OR56B1: variants seen among roughly 807,000 people sequenced by gnomAD.
OR56B1 encodes olfactory receptor 56B1.
In OR56B1, 13 loss-of-function variants were observed where a neutral mutation model predicts 11.4. The observed-to-expected ratio is 1.14, with a 90% CI of 0.74 to 1.81. The LOEUF is 1.81. Ranked by LOEUF, OR56B1 falls within the 40% of genes most tolerant of loss-of-function variation. The pLI is 0.00. For synonymous variants in OR56B1, 158 were observed against 143.6 expected (o/e 1.10, Z -0.72); for missense variants, 434 against 379.3 (o/e 1.14, Z -1.20).
rs1853946755 is a variant in OR56B1, at chr11:5,737,687, T to C, written c.*196T>C. The C allele has an allele frequency of 4.2e-6, 2 of 473,594 alleles. No homozygotes were observed. The highest frequency in any genetic ancestry group is 7.2e-6 in the Non-Finnish European group (2 of 278,286). 29.3% of individuals were successfully genotyped at this position (473,594 alleles called of 1,614,324 possible). On this transcript the variant is annotated 3_prime_UTR_variant, in exon 1 of 1. Coordinates refer to ENST00000317121, the MANE Select transcript of OR56B1 (RefSeq NM_001005180.3). ...TTGACAAAAGCTAAATATTTAAATATATTTGAGAATATGGAAGAAATTTCT... is the reference window on the plus strand; with the variant it reads ...TTGACAAAAGCTAAATATTTAAATACATTTGAGAATATGGAAGAAATTTCT...
Position 5,738,431 on chromosome 11 carries a change from G to A in OR56B1, c.*940G>A, listed in dbSNP as rs1853962137. On this transcript the variant is annotated 3_prime_UTR_variant, in exon 1 of 1. Transcript: ENST00000317121. ...TAAAGGCTTCCTGATAGTAGTCTCTGAGTGCCCAGCATCCATTATTTTTTA... is the reference window on the plus strand; with the variant it reads ...TAAAGGCTTCCTGATAGTAGTCTCTAAGTGCCCAGCATCCATTATTTTTTA... 1 of 151,078 alleles carries A rather than the reference G, an allele frequency of 6.6e-6. No individual in the cohort carries two copies. Among genetic ancestry groups the A allele is most frequent in the Admixed American group, 6.6e-5 (1 of 15,128 alleles). The allele number at this position is 151,078 out of a possible 1,614,324, so 9.4% of individuals were successfully genotyped here. A position where few individuals can be genotyped will look rare whatever the true frequency, so the allele number is the denominator to read the frequency against.
At position 5,737,109 on chromosome 11, in the gene OR56B1, G is replaced by C; in HGVS notation, c.593G>C (p.Cys198Ser). The change falls in exon 1 of 1, where the codon TGT becomes TCT. Residue 198 changes from cysteine (C) to serine (S), a missense_variant. By Grantham distance (112) the Cys-to-Ser change is moderately radical (BLOSUM62 -1). Transcript: ENST00000317121. Reference protein sequence around the residue: ...CSNLGVTSLACDDRRPNSICQ... With the variant: ...CSNLGVTSLASDDRRPNSICQ... ...AACCTTGGGGTCACAAGCCTGGCTTGTGATGACAGGAGGCCAAACAGCATT... is the reference window on the plus strand; with the variant it reads ...AACCTTGGGGTCACAAGCCTGGCTTCTGATGACAGGAGGCCAAACAGCATT... 6.2e-7 allele frequency: 1 copy of C among 1,614,056 alleles called. No individual in the cohort carries two copies. Among genetic ancestry groups the C allele is most frequent in the Non-Finnish European group, 8.5e-7 (1 of 1,180,004 alleles).
In OR56B1 at chr11:5,736,849, T is replaced by C. The variant is rs759142585; in HGVS notation, c.333T>C (p.Tyr111=). 8.1e-6 allele frequency: 13 copies of C among 1,613,922 alleles called. No homozygotes were observed. Among genetic ancestry groups the C allele is most frequent in the Admixed American group, 5.0e-5 (3 of 59,942 alleles). ...TCCCTGAGTGCTTTGCTCAGATTTA[T>C]GCCATTCACTTCTTTGTGGGCATGG... is the stretch of plus-strand genomic sequence containing the variant. ...ISLPECFAQI[Y]AIHFFVGMES... The change falls in exon 1 of 1, where the codon TAT becomes TAC. Residue 111 remains tyrosine, a synonymous_variant. Transcript: ENST00000317121.
At position 5,736,641 on chromosome 11, in the gene OR56B1, T is replaced by C. The variant is rs2134201337; in HGVS notation, c.125T>C (p.Leu42Pro). The C allele has an allele frequency of 1.2e-6, 2 of 1,614,048 alleles. No homozygotes were observed. Among genetic ancestry groups the C allele is most frequent in the Admixed American group, 1.7e-5 (1 of 59,964 alleles). The stretch of plus-strand genomic sequence containing the variant: ...CACTGGCTATCTCTGCCCCTGGCAC[T>C]ACTGTATCTCTCAGCACTTGCTGCA... Reference protein sequence around the residue: ...WQHWLSLPLALLYLSALAANT... With the variant: ...WQHWLSLPLAPLYLSALAANT... Residue 42 changes from leucine to proline, a missense_variant, in exon 1 of 1, where the codon CTA becomes CCA. Leu to Pro is a moderately conservative substitution (Grantham distance 98). Transcript: ENST00000317121.
rs1377279356 is a variant in OR56B1 at position 5,736,704 on chromosome 11, C to G, written c.188C>G (p.Ser63Cys). The G allele has an allele frequency of 5.6e-6, 9 of 1,613,926 alleles. No homozygotes were observed. In the South Asian group the frequency reaches 6.6e-5, roughly 12 times the overall value. The stretch of plus-strand genomic sequence containing the variant: ...CTCATCATCATCTGGCAGAACCCTT[C>G]TTTACAGCAGCCCATGTATATTTTC... ...LILIIIWQNPSLQQPMYIFLG... is the reference protein window; with the variant it reads ...LILIIIWQNPCLQQPMYIFLG... Residue 63 changes from serine to cysteine, a missense_variant, in exon 1 of 1, where the codon TCT (serine) becomes TGT (cysteine). Transcript: ENST00000317121.
Position 5,737,308 on chromosome 11 carries a change from T to G in OR56B1, c.792T>G (p.Val264=). 6.2e-7 allele frequency: 1 copy of G among 1,614,144 alleles called. No homozygotes were observed. Among genetic ancestry groups the G allele is most frequent in the South Asian group, 1.1e-5 (1 of 91,092 alleles). Residue 264 remains valine, a synonymous_variant, in exon 1 of 1, where the codon GTT becomes GTG. Coordinates refer to ENST00000317121, the MANE Select transcript of OR56B1 (RefSeq NM_001005180.3). Reference sequence around the variant, plus strand: ...TCATCCTTTTCTTTTACACTATTGTTGTAGTGATTTCAGTGACTCATCTGA... The same window carrying G: ...TCATCCTTTTCTTTTACACTATTGTGGTAGTGATTTCAGTGACTCATCTGA... ...LTLILFFYTI[V]VVISVTHLTE...
chr11:5,736,737 T>G lies in OR56B1; in HGVS notation c.221T>G (p.Ile74Ser). The change falls in exon 1 of 1, where the codon ATC becomes AGC. Residue 74 changes from isoleucine (I) to serine (S), a missense_variant. Physicochemically the swap from Ile to Ser is moderately radical, Grantham distance 142. Transcript: ENST00000317121. ...LQQPMYIFLG[I>S]LCMVDMGLAT... ...CAGCCCATGTATATTTTCCTTGGCA[T>G]CCTCTGTATGGTAGACATGGGTCTG... 6.2e-7 allele frequency: 1 copy of G among 1,614,074 alleles called. No homozygotes were observed. Among genetic ancestry groups the G allele is most frequent in the African/African-American group, 1.3e-5 (1 of 75,050 alleles).
In OR56B1 at chr11:5,738,144, G is replaced by T. The variant is rs1384931127; in HGVS notation, c.*653G>T. ...TTTGTGCACTGCTCTGTAAACTGGA[G>T]GGCTGACTTTCACATATTGTAAGCC... On this transcript the variant is annotated 3_prime_UTR_variant, in exon 1 of 1. Coordinates refer to ENST00000317121, the MANE Select transcript of OR56B1 (RefSeq NM_001005180.3). The T allele has an allele frequency of 6.6e-6, 1 of 152,312 alleles. No homozygotes were observed. Among genetic ancestry groups the T allele is most frequent in the African/African-American group, 2.4e-5 (1 of 41,454 alleles). 9.4% of individuals were successfully genotyped at this position (152,312 alleles called of 1,614,324 possible). A position where few individuals can be genotyped will look rare whatever the true frequency, so the allele number is the denominator to read the frequency against.
In OR56B1 at chr11:5,736,980, T is replaced by G; in HGVS notation, c.464T>G (p.Leu155Arg). The G allele has an allele frequency of 6.2e-7, 1 of 1,614,170 alleles. No homozygotes were observed. The highest frequency in any genetic ancestry group is 8.5e-7 in the Non-Finnish European group (1 of 1,180,000). Residue 155 changes from leucine to arginine, a missense_variant, in exon 1 of 1, where the codon CTG becomes CGG. Coordinates refer to ENST00000317121, the MANE Select transcript of OR56B1 (RefSeq NM_001005180.3). The stretch of plus-strand genomic sequence containing the variant: ...AGTTCCTTAATCTTAAAAGCTACCC[T>G]GTTCATGGTGCTGAGAAATGGCTTA... ...VTSSLILKATLFMVLRNGLFV... is the reference protein window; with the variant it reads ...VTSSLILKATRFMVLRNGLFV...
chr11:5,737,672 C>A lies in OR56B1; in HGVS notation c.*181C>A. The A allele has an allele frequency of 3.9e-6, 2 of 517,004 alleles. No homozygotes were observed. Among genetic ancestry groups the A allele is most frequent in the East Asian group, 3.1e-5 (1 of 32,570 alleles). The allele number at this position is 517,004 out of a possible 1,614,324, so 32.0% of individuals were successfully genotyped here. A position where few individuals can be genotyped will look rare whatever the true frequency, so the allele number is the denominator to read the frequency against. ...CAGTAGCCTAAAATATTGACAAAAG[C>A]TAAATATTTAAATATATTTGAGAAT... On this transcript the variant is annotated 3_prime_UTR_variant, in exon 1 of 1. Transcript: ENST00000317121.
rs984158549 is a variant in OR56B1, at chr11:5,738,226, A to G, written c.*735A>G. On this transcript the variant is annotated 3_prime_UTR_variant, in exon 1 of 1. Transcript: ENST00000317121. ...ATTGAGCCAATGTGATGCGTGACAGATTATAGTTCAAGAGGAGACAGCATT... is the reference window on the plus strand; with the variant it reads ...ATTGAGCCAATGTGATGCGTGACAGGTTATAGTTCAAGAGGAGACAGCATT... 4 of 152,250 alleles carry G rather than the reference A, an allele frequency of 2.6e-5. No homozygotes were observed. Among genetic ancestry groups the G allele is most frequent in the Non-Finnish European group, 4.4e-5 (3 of 68,070 alleles). 9.4% of individuals were successfully genotyped at this position (152,250 alleles called of 1,614,324 possible).
In OR56B1 at chr11:5,737,355, T is replaced by C; in HGVS notation, c.839T>C (p.Ile280Thr). ...CTGACAGAGATGAAGGCTACTTTGA[T>C]TCCAGTTCTACTTAATGTGTTGCAC... ...THLTEMKATL[I>T]PVLLNVLHNI... The change falls in exon 1 of 1, where the codon ATT (isoleucine) becomes ACT (threonine). Residue 280 changes from isoleucine (I) to threonine (T), a missense_variant. By Grantham distance (89) the Ile-to-Thr change is moderately conservative. Coordinates refer to ENST00000317121, the MANE Select transcript of OR56B1 (RefSeq NM_001005180.3). 1 of 1,614,148 alleles carries C rather than the reference T, an allele frequency of 6.2e-7. No homozygotes were observed. Among genetic ancestry groups the C allele is most frequent in the South Asian group, 1.1e-5 (1 of 91,082 alleles).
rs144885088 is a variant in OR56B1 at position 5,736,700 on chromosome 11, C to T, written c.184C>T (p.Pro62Ser). The change falls in exon 1 of 1, where the codon CCT becomes TCT. Residue 62 changes from proline to serine, a missense_variant. Coordinates refer to ENST00000317121, the MANE Select transcript of OR56B1 (RefSeq NM_001005180.3). The part of the protein sequence containing the change: ...TLILIIIWQN[P>S]SLQQPMYIFL... ...CATCCTCATCATCATCTGGCAGAAC[C>T]CTTCTTTACAGCAGCCCATGTATAT... 1 of 1,614,026 alleles carries T rather than the reference C, an allele frequency of 6.2e-7. No homozygotes were observed. The highest frequency in any genetic ancestry group is 1.1e-5 in the South Asian group (1 of 91,076).
Position 5,737,214 on chromosome 11 carries a change from C to G in OR56B1, c.698C>G (p.Ser233Cys), listed in dbSNP as rs369551291. 8.1e-6 allele frequency: 13 copies of G among 1,613,980 alleles called. No homozygotes were observed. The African/African-American group carries it at 1.7e-4, about 22-fold the overall frequency. ...IILSYILILY[S>C]VLRLNSAEAA... ...CTGTCATATATTTTGATTCTGTACT[C>G]TGTACTTAGACTGAACTCAGCTGAA... Residue 233 changes from serine to cysteine, a missense_variant, in exon 1 of 1, where the codon TCT (serine) becomes TGT (cysteine). Transcript: ENST00000317121.
In OR56B1 at chr11:5,737,610, A is replaced by G; in HGVS notation, c.*119A>G. 4.4e-6 allele frequency: 4 copies of G among 900,124 alleles called. No homozygotes were observed. Among genetic ancestry groups the G allele is most frequent in the Middle Eastern group, 3.6e-4 (1 of 2,786 alleles). The allele number at this position is 900,124 out of a possible 1,614,324, so 55.8% of individuals were successfully genotyped here. ...ATTCCCTTTTTATATTTGTATGTAAATAATTGTGAAAGCTTCAGAAAAGAT... is the reference window on the plus strand; with the variant it reads ...ATTCCCTTTTTATATTTGTATGTAAGTAATTGTGAAAGCTTCAGAAAAGAT... On this transcript the variant is annotated 3_prime_UTR_variant, in exon 1 of 1. Coordinates refer to ENST00000317121, the MANE Select transcript of OR56B1 (RefSeq NM_001005180.3).
At position 5,736,602 on chromosome 11, in the gene OR56B1, T is replaced by C. The variant is rs145028394; in HGVS notation, c.86T>C (p.Ile29Thr). ...SEFILLGFPG[I>T]HSWQHWLSLP... is the part of the protein sequence containing the mutation. ...TTCATCCTGCTGGGATTCCCGGGCA[T>C]TCACAGCTGGCAACACTGGCTATCT... Residue 29 changes from isoleucine (I) to threonine (T), a missense_variant, in exon 1 of 1, where the codon ATT (isoleucine) becomes ACT (threonine). By Grantham distance (89) the Ile-to-Thr change is moderately conservative (BLOSUM62 -1). Transcript: ENST00000317121. 2,251 of 1,613,994 alleles carry C rather than the reference T, an allele frequency of 1.4e-3. 2 individuals carry two copies. Among genetic ancestry groups the C allele is most frequent in the Non-Finnish European group, 1.8e-3 (2,070 of 1,179,956 alleles).
Position 5,736,566 on chromosome 11 carries a change from A to G in OR56B1, c.50A>G (p.Gln17Arg), listed in dbSNP as rs1421690445. 1.9e-6 allele frequency: 3 copies of G among 1,613,846 alleles called. No homozygotes were observed. Among genetic ancestry groups the G allele is most frequent in the Non-Finnish European group, 2.5e-6 (3 of 1,179,804 alleles). ...AAAATCTCCAATAGCTCCAAATTCC[A>G]GGTCTCTGAGTTCATCCTGCTGGGA... ...SLKISNSSKF[Q>R]VSEFILLGFP... Residue 17 changes from glutamine to arginine, a missense_variant, in exon 1 of 1, where the codon CAG becomes CGG. Coordinates refer to ENST00000317121, the MANE Select transcript of OR56B1 (RefSeq NM_001005180.3).
At position 5,738,401 on chromosome 11, in the gene OR56B1, G is replaced by A. The variant is rs754517778; in HGVS notation, c.*910G>A. ...TTGCCTTCTTTCTTCAGGCCAAGGG[G>A]CTGATAAAGGCTTCCTGATAGTAGT... On this transcript the variant is annotated 3_prime_UTR_variant, in exon 1 of 1. Transcript: ENST00000317121. 7 of 152,108 alleles carry A rather than the reference G, an allele frequency of 4.6e-5. No homozygotes were observed. Among genetic ancestry groups the A allele is most frequent in the Non-Finnish European group, 1.0e-4 (7 of 68,030 alleles). 9.4% of individuals were successfully genotyped at this position (152,108 alleles called of 1,614,324 possible).
rs1474788817 is a variant in OR56B1, at chr11:5,736,859, T to C, written c.343T>C (p.Phe115Leu). ...ECFAQIYAIH[F>L]FVGMESGILL... ...CTTTGCTCAGATTTATGCCATTCAC[T>C]TCTTTGTGGGCATGGAGTCTGGTAT... The change falls in exon 1 of 1, where the codon TTC (phenylalanine) becomes CTC (leucine). Residue 115 changes from phenylalanine (F) to leucine (L), a missense_variant. Coordinates refer to ENST00000317121, the MANE Select transcript of OR56B1 (RefSeq NM_001005180.3). 1.2e-6 allele frequency: 2 copies of C among 1,614,042 alleles called. No individual in the cohort carries two copies. Among genetic ancestry groups the C allele is most frequent in the Admixed American group, 1.7e-5 (1 of 59,962 alleles).
Sources: gnomAD v4.1 joint callset for allele counts on GRCh38, gnomAD v4.1.1 for gene constraint, MANE v1.5 for transcripts, NCBI Gene and HGNC (gene_info 2026-07-23, HGNC 2026-07-21) for gene names.